CNOT4: variants seen among roughly 807,000 people sequenced by gnomAD.
CNOT4 encodes the protein CCR4-associated factor 4.
In CNOT4, 8 loss-of-function variants were observed where a neutral mutation model predicts 73.8. The ratio of observed to expected loss-of-function variants is 0.11; its 90% CI spans 0.06 to 0.20. CNOT4 has a LOEUF of 0.20. CNOT4 is among the 10% of genes least tolerant of loss of function. The probability of loss-of-function intolerance (pLI) is 1.00; values close to 1 mark genes in which losing one functional copy is unlikely to be tolerated. For missense variants in CNOT4, 564 were observed against 883.4 expected, an observed-to-expected ratio of 0.64 and a Z score of 4.58; for synonymous variants, 293 against 321.1, an observed-to-expected ratio of 0.91 and a Z score of 0.94.
chr7:135,370,870 A>G (rs1300207237), intron 10 of CNOT4, among the ~76,000 whole-genome samples: 1 of 152,208 alleles, frequency 6.6e-6, no homozygotes, highest in African/African-American at 2.4e-5. Flanking sequence ...ATGAGCCACT[A>G]AGATGATATG....
chr7:135,391,339 A>G (rs1796390547), intron 10 of CNOT4, among the ~76,000 whole-genome samples: 1 of 152,024 alleles, frequency 6.6e-6, no homozygotes, highest in African/African-American at 2.4e-5. Flanking sequence ...ATTTTGGTAC[A>G]TTAAAACTAA....
intron 8 of CNOT4, among the ~76,000 whole-genome samples, chr7:135,397,606 C>T (rs62481573): frequency 1.7e-5 from 2 of 116,430 alleles, no homozygotes; most frequent in Middle Eastern, 4.4e-3. Flanking sequence ...GAAAAACTAG[C>T]CAAAAAAAAA....
At chr7:135,447,079 T>TAA (rs1387556675) in intron 1 of CNOT4, among the ~76,000 whole-genome samples, 1 of 143,832 alleles carries the variant, frequency 7.0e-6, no homozygotes, top group Non-Finnish European at 1.6e-5. Context: ...TACTAAGCAT[T>TAA]CACACATTTG....
intron 1 of CNOT4, among the ~76,000 whole-genome samples, chr7:135,494,541 G>A (rs949299786): frequency 2.7e-5 from 4 of 149,928 alleles, no homozygotes; most frequent in Non-Finnish European, 4.4e-5. Context: ...CTACTTCTAT[G>A]GTAGATTAAC....
intron 1 of CNOT4, among the ~76,000 whole-genome samples, chr7:135,504,082 C>A (rs1804178644): frequency 6.6e-6 from 1 of 152,144 alleles, no homozygotes; most frequent in Non-Finnish European, 1.5e-5. Context: ...CTTAAATAAT[C>A]AGAAAATTAG....
At chr7:135,391,529 T>C (rs772076963) in intron 10 of CNOT4, among the ~76,000 whole-genome samples, 3 of 151,716 alleles carry the variant, frequency 2.0e-5, no homozygotes, top group Non-Finnish European at 4.4e-5. Flanking sequence ...ATTTTTAGCA[T>C]CTCTGAAAAA....
chr7:135,388,791 T>C (rs1378399482), intron 10 of CNOT4: 14 of 1,612,270 alleles, frequency 8.7e-6, no homozygotes, highest in East Asian at 2.2e-5. Flanking sequence ...CTCAGTTCTG[T>C]TGTCAGGCCA....
intron 1 of CNOT4, among the ~76,000 whole-genome samples, chr7:135,462,380 T>C (rs1217865904): frequency 6.6e-6 from 1 of 152,190 alleles, no homozygotes; most frequent in Non-Finnish European, 1.5e-5. Context: ...AATCTCCTTA[T>C]TCTGGTCTAC....
chr7:135,465,318 C>T (rs1354093129), intron 1 of CNOT4, among the ~76,000 whole-genome samples: 3 of 152,128 alleles, frequency 2.0e-5, no homozygotes, highest in East Asian at 1.9e-4. Flanking sequence ...TGTATATACA[C>T]GCTGACTGCT....
intron 1 of CNOT4, among the ~76,000 whole-genome samples, chr7:135,441,921 C>T (rs1799502363): frequency 6.6e-6 from 1 of 152,114 alleles, no homozygotes; most frequent in Admixed American, 6.6e-5. Flanking sequence ...CATTTGTGCA[C>T]CTCTAGCACC....
rs1167906035 is a variant in CNOT4 at position 135,470,451 on chromosome 7, CATA to C, written c.-92-32031_-92-32029del. 5.6e-4 allele frequency among the ~76,000 whole-genome samples: 85 copies of C among 151,882 alleles called. 1 individual carries two copies. The highest frequency in any genetic ancestry group is 1.7e-3 in the African/African-American group (71 of 41,440). On this transcript the variant is annotated intron_variant, in intron 1 of 11. Coordinates refer to ENST00000541284, the MANE Select transcript of CNOT4 (RefSeq NM_001190850.2). ...TGGCCTGTTCATAAGCAGTTTTATT[CATA>C]ATAGCCAAAACAGAAAGAACCTCAA...
chr7:135,388,863 T>G, intron 10 of CNOT4: 1 of 1,613,090 alleles, frequency 6.2e-7, no homozygotes. Context: ...AGGTTGACAG[T>G]GGCATGGTCG....
chr7:135,472,725 T>C (rs1457757055), intron 1 of CNOT4, among the ~76,000 whole-genome samples: 3 of 150,928 alleles, frequency 2.0e-5, no homozygotes, highest in Admixed American at 2.0e-4. Context: ...AGGTTAAAAG[T>C]AAAAAATAAA....
Position 135,414,354 on chromosome 7 carries a change from C to A in CNOT4, c.538G>T (p.Val180Leu). The change falls in exon 5 of 12, where the codon GTA (valine) becomes TTA (leucine). Residue 180 changes from valine (V) to leucine (L), a missense_variant. Physicochemically the swap from Val to Leu is conservative, Grantham distance 32 (BLOSUM62 1). This residue lies in a region of CNOT4 where 25 missense variants were observed against 25.1 expected (regional missense o/e 1.00). Transcript: ENST00000541284. ...ACCTTAAGTGTTCTGCCATCTACTACCACATTGTTGACACACTGTATGGCT... is the reference window on the plus strand; with the variant it reads ...ACCTTAAGTGTTCTGCCATCTACTAACACATTGTTGACACACTGTATGGCT... ...LRAIQCVNNV[V>L]VDGRTLKASL... The A allele has an allele frequency of 6.9e-7, 1 of 1,452,108 alleles. No homozygotes were observed. Among genetic ancestry groups the A allele is most frequent in the Non-Finnish European group, 9.6e-7 (1 of 1,036,790 alleles). The allele number at this position is 1,452,108 out of a possible 1,614,324, so 90.0% of individuals were successfully genotyped here.
intron 1 of CNOT4, among the ~76,000 whole-genome samples, chr7:135,489,367 T>C (rs1201442102): frequency 6.6e-6 from 1 of 150,690 alleles, no homozygotes; most frequent in African/African-American, 2.4e-5. Flanking sequence ...CTTAGCACAA[T>C]CTTGATTCAG....
intron 1 of CNOT4, among the ~76,000 whole-genome samples, chr7:135,486,209 C>G (rs1802708746): frequency 6.6e-6 from 1 of 151,818 alleles, no homozygotes; most frequent in Non-Finnish European, 1.5e-5. Context: ...TAAAAAAAAT[C>G]TAACAGTAAA....
At chr7:135,413,341 T>C in intron 6 of CNOT4, 147 bp downstream of exon 6, 1 of 869,532 alleles carries the variant, frequency 1.2e-6, no homozygotes, top group South Asian at 1.6e-5. Flanking sequence ...TGACCTTCCA[T>C]TAAACACTTC....
chr7:135,434,019 A>T (rs1799007320), intron 2 of CNOT4, among the ~76,000 whole-genome samples: 1 of 152,220 alleles, frequency 6.6e-6, no homozygotes, highest in South Asian at 2.1e-4. Context: ...CAAAACAGGC[A>T]CGTTTCATAT....
At chr7:135,441,071 T>C (rs989892824) in intron 1 of CNOT4, among the ~76,000 whole-genome samples, 5 of 152,218 alleles carry the variant, frequency 3.3e-5, no homozygotes, top group African/African-American at 9.6e-5. Flanking sequence ...AACATACAAT[T>C]ACTTTCATTA....
Sources: allele counts gnomAD v4.1 joint callset (sites outside exome capture counted in the v4.1 genomes callset), GRCh38; gene constraint gnomAD v4.1.1; regional missense constraint gnomAD v4.1.1; transcripts MANE v1.5; gene names NCBI Gene and HGNC (gene_info 2026-07-23, HGNC 2026-07-21).